The following GRIP1 variants were observed in gnomAD, a reference collection of about 807,000 sequenced individuals.
GRIP1 encodes glutamate receptor-interacting protein 1.
Under a neutral mutation model 129.9 loss-of-function variants are expected in GRIP1, and 45 were observed. The observed-to-expected ratio is 0.35, with a 90% CI of 0.27 to 0.44. The LOEUF (loss-of-function observed/expected upper bound fraction) is 0.44, where lower values mean the gene tolerates loss of function less well. Ranked by LOEUF, GRIP1 falls within the 20% of genes least tolerant of loss-of-function variation. The pLI is 1.00. For synonymous variants in GRIP1, 530 were observed against 520.8 expected (o/e 1.02, Z -0.24); for missense variants, 1,196 against 1,396.8 (o/e 0.86, Z 2.29).
intron 1 of GRIP1, among the ~76,000 whole-genome samples, chr12:67,004,804 T>C (rs1050995641): frequency 6.6e-6 from 1 of 152,148 alleles, no homozygotes; most frequent in Non-Finnish European, 1.5e-5. Context: ...GGAATTCATT[T>C]TGAGAAAACT....
At chr12:66,633,333 T>C (rs1376209377) in intron 1 of GRIP1, among the ~76,000 whole-genome samples, 2 of 147,734 alleles carry the variant, frequency 1.4e-5, no homozygotes, top group African/African-American at 5.0e-5. Flanking sequence ...ATATATATAG[T>C]AGAGATGGGG....
intron 1 of GRIP1, among the ~76,000 whole-genome samples, chr12:66,792,549 A>G (rs2038575400): frequency 6.6e-6 from 1 of 152,134 alleles, no homozygotes; most frequent in Admixed American, 6.5e-5. Context: ...TACAAAATAA[A>G]ATAATTTAAA....
chr12:66,976,597 A>G (rs1158823343), intron 1 of GRIP1, among the ~76,000 whole-genome samples: 1 of 152,178 alleles, frequency 6.6e-6, no homozygotes, highest in Non-Finnish European at 1.5e-5. Flanking sequence ...TCACCTGGCA[A>G]AGAACAAAAG....
At chr12:67,017,675 G>C (rs905286598) in intron 1 of GRIP1, among the ~76,000 whole-genome samples, 2 of 152,130 alleles carry the variant, frequency 1.3e-5, no homozygotes, top group African/African-American at 4.8e-5. Context: ...GTGTTGGCCA[G>C]CTCCAGGTCT....
chr12:67,016,566 C>T (rs1028079386), intron 1 of GRIP1, among the ~76,000 whole-genome samples: 1 of 152,044 alleles, frequency 6.6e-6, no homozygotes, highest in Admixed American at 6.6e-5. Flanking sequence ...TGGGCTGAGA[C>T]TTTATCTAGT....
intron 1 of GRIP1, among the ~76,000 whole-genome samples, chr12:66,944,960 T>C (rs1271029867): frequency 2.0e-5 from 3 of 151,948 alleles, no homozygotes; most frequent in Non-Finnish European, 4.4e-5. Context: ...GCCCAGCTAA[T>C]TTTTGTATTT....
chr12:66,465,316 G>T lies in GRIP1; in HGVS notation c.831C>A (p.Val277=). Residue 277 remains valine (V), a synonymous_variant, in exon 8 of 25, where the codon GTC becomes GTA. Transcript: ENST00000359742. The stretch of plus-strand genomic sequence containing the variant: ...CAGATTTGATTTTGTCTATGACAAT[G>T]ACTTGTTTGTTACAGCACATCGAGG... ...LTTSMCCNKQ[V]IVIDKIKSAS... The T allele has an allele frequency of 6.2e-7, 1 of 1,613,842 alleles. No homozygotes were observed. The highest frequency in any genetic ancestry group is 1.7e-5 in the Admixed American group (1 of 60,016).
At chr12:66,779,460 T>G (rs1281844192) in intron 1 of GRIP1, among the ~76,000 whole-genome samples, 4 of 152,212 alleles carry the variant, frequency 2.6e-5, no homozygotes, top group Non-Finnish European at 4.4e-5. Flanking sequence ...ACTGGTGAAT[T>G]TGTGGATACA....
chr12:66,368,393 A>G (rs1264928333), intron 23 of GRIP1, among the ~76,000 whole-genome samples: 2 of 152,184 alleles, frequency 1.3e-5, no homozygotes, highest in African/African-American at 4.8e-5. Flanking sequence ...ATACAGCCTA[A>G]CCATGTGAGA....
chr12:66,470,876 G>A (rs2059420588), intron 7 of GRIP1, among the ~76,000 whole-genome samples: 1 of 147,558 alleles, frequency 6.8e-6, no homozygotes, highest in Non-Finnish European at 1.5e-5. Flanking sequence ...GAATAGAATT[G>A]CTAGTAGAAC....
intron 1 of GRIP1, among the ~76,000 whole-genome samples, chr12:66,817,646 C>T (rs1050744986): frequency 3.3e-5 from 5 of 152,106 alleles, no homozygotes; most frequent in African/African-American, 9.7e-5. Context: ...CTCCTGACCT[C>T]GGGTGATCCA....
At chr12:66,500,954 T>A (rs906330173) in intron 7 of GRIP1, among the ~76,000 whole-genome samples, 2 of 152,212 alleles carry the variant, frequency 1.3e-5, no homozygotes, top group African/African-American at 4.8e-5. Context: ...TTCTTTAATC[T>A]TAAAAGTAAA....
At chr12:66,374,549 A>C (rs961862377) in intron 22 of GRIP1, among the ~76,000 whole-genome samples, 1 of 152,142 alleles carries the variant, frequency 6.6e-6, no homozygotes, top group Non-Finnish European at 1.5e-5. Flanking sequence ...TGCCATGCTG[A>C]CCATCCATTT....
chr12:66,432,841 A>G (rs1426418390), intron 13 of GRIP1, among the ~76,000 whole-genome samples: 1 of 152,194 alleles, frequency 6.6e-6, no homozygotes, highest in Non-Finnish European at 1.5e-5. Flanking sequence ...ATTCACACCA[A>G]CAGTTGAGTT....
chr12:67,034,535 G>T (rs1268559145), intron 1 of GRIP1, among the ~76,000 whole-genome samples: 1 of 152,102 alleles, frequency 6.6e-6, no homozygotes, highest in Non-Finnish European at 1.5e-5. Context: ...AATATAAATA[G>T]AATATAAAAG....
At chr12:66,730,768 C>T (rs980615399) in intron 1 of GRIP1, among the ~76,000 whole-genome samples, 3 of 148,520 alleles carry the variant, frequency 2.0e-5, no homozygotes, top group Admixed American at 6.7e-5. Context: ...GAGAAGGTGA[C>T]GGACCACAGT....
intron 15 of GRIP1, among the ~76,000 whole-genome samples, chr12:66,406,992 C>G (rs1163069089): frequency 6.6e-6 from 1 of 151,674 alleles, no homozygotes. Flanking sequence ...GGCTGTGGAC[C>G]AGGGTAGGTC....
chr12:66,529,866 T>C lies in GRIP1; in HGVS notation c.467A>G (p.His156Arg), dbSNP rs1007957089. 17 of 1,606,304 alleles carry C rather than the reference T, an allele frequency of 1.1e-5. No homozygotes were observed. The Admixed American group carries it at 1.5e-4, about 14-fold the overall frequency. ...AAAACCAAAGGTATTGCCTTCTTTA[T>C]GTAATGTGACCTCCACTGTTCGGAA... ...VIFRTVEVTL[H>R]KEGNTFGFVI... Residue 156 changes from histidine to arginine, a missense_variant, in exon 5 of 25, where the codon CAT becomes CGT. This residue lies in a region of GRIP1 where 217 missense variants were observed against 224.8 expected (regional missense o/e 0.97). Coordinates refer to ENST00000359742, the MANE Select transcript of GRIP1 (RefSeq NM_001366722.1).
intron 2 of GRIP1, among the ~76,000 whole-genome samples, chr12:66,586,849 G>T (rs1278826075): frequency 6.6e-6 from 1 of 152,210 alleles, no homozygotes; most frequent in East Asian, 1.9e-4. Context: ...CCTGCTAACT[G>T]GTCTTCTTGT....
Sources: allele counts gnomAD v4.1 joint callset (sites outside exome capture counted in the v4.1 genomes callset), GRCh38; gene constraint gnomAD v4.1.1; regional missense constraint gnomAD v4.1.1; transcripts MANE v1.5; gene names NCBI Gene and HGNC (gene_info 2026-07-23, HGNC 2026-07-21).